The following FYTTD1 variants were observed in gnomAD, a reference collection of about 807,000 sequenced individuals.
FYTTD1 encodes UAP56-interacting factor.
Under a neutral mutation model 40.9 loss-of-function variants are expected in FYTTD1, and 22 were observed. The observed-to-expected ratio is 0.54, with a 90% CI of 0.38 to 0.77. FYTTD1 has a LOEUF of 0.77. Among genes scored for constraint, FYTTD1 ranks in the 30% least tolerant of loss-of-function variants. The pLI is 0.00. For missense variants in FYTTD1, 351 were observed against 392.2 expected (o/e 0.90, Z 0.89); for synonymous variants, 140 against 137.9 (o/e 1.01, Z -0.10).
At chr3:197,776,384 GTT>G (rs869308035) in intron 6 of FYTTD1, among the ~76,000 whole-genome samples, 2,127 of 133,274 alleles carry the variant, frequency 0.016, 44 homozygotes, top group African/African-American at 0.056. Context: ...GCTTAAATTT[GTT>G]TTTTTTTTTT....
rs893273585 is a variant in FYTTD1, at chr3:197,783,387, G to C, written c.*1478G>C. 5 of 152,522 alleles carry C rather than the reference G, an allele frequency of 3.3e-5. No homozygotes were observed. Among genetic ancestry groups the C allele is most frequent in the African/African-American group, 1.2e-4 (5 of 41,408 alleles). The allele number at this position is 152,522 out of a possible 1,614,324, so 9.4% of individuals were successfully genotyped here. On this transcript the variant is annotated 3_prime_UTR_variant, in exon 9 of 9. Transcript: ENST00000241502. ...TTGGCCTGCCCTGCATTGTATACTA[G>C]ATTTCATTGTTGTCTCTCATGCTTC...
In FYTTD1 at chr3:197,773,445, A is replaced by C; in HGVS notation, c.540A>C (p.Leu180Phe). 6.2e-7 allele frequency: 1 copy of C among 1,603,954 alleles called. No individual in the cohort carries two copies. Among genetic ancestry groups the C allele is most frequent in the African/African-American group, 1.3e-5 (1 of 74,970 alleles). Reference sequence around the variant, plus strand: ...ATTTTACCAGGAGTGGAAATAAATTAAATCATCAGAAAGATACTCGTCAGG... The same window carrying C: ...ATTTTACCAGGAGTGGAAATAAATTCAATCATCAGAAAGATACTCGTCAGG... ...PANFTRSGNK[L>F]NHQKDTRQAT... The change falls in exon 5 of 9, where the codon TTA becomes TTC. Residue 180 changes from leucine to phenylalanine, a missense_variant. Transcript: ENST00000241502.
chr3:197,773,421 T>C lies in FYTTD1; in HGVS notation c.516T>C (p.Asn172=). ...QLSRKNNIPA[N]FTRSGNKLNH... ...GTTGCAGAAATAACATTCCAGCTAA[T>C]TTTACCAGGAGTGGAAATAAATTAA... The change falls in exon 5 of 9, where the codon AAT becomes AAC. Residue 172 remains asparagine, a synonymous_variant. Transcript: ENST00000241502. The C allele has an allele frequency of 6.3e-7, 1 of 1,599,090 alleles. No individual in the cohort carries two copies. Among genetic ancestry groups the C allele is most frequent in the Non-Finnish European group, 8.6e-7 (1 of 1,169,054 alleles).
chr3:197,768,502 G>C lies in FYTTD1; in HGVS notation c.299G>C (p.Gly100Ala). The change falls in exon 3 of 9, where the codon GGA becomes GCA. Residue 100 changes from glycine to alanine, a missense_variant. Coordinates refer to ENST00000241502, the MANE Select transcript of FYTTD1 (RefSeq NM_032288.7). ...ATGCCTGGAAAGAGACGTCCTAATGGAGTTATCACTGGCCTTGCAGCTAGG... is the reference window on the plus strand; with the variant it reads ...ATGCCTGGAAAGAGACGTCCTAATGCAGTTATCACTGGCCTTGCAGCTAGG... Reference protein sequence around the residue: ...RVMPGKRRPNGVITGLAARKT... With the variant: ...RVMPGKRRPNAVITGLAARKT... 1 of 1,613,002 alleles carries C rather than the reference G, an allele frequency of 6.2e-7. No homozygotes were observed. The highest frequency in any genetic ancestry group is 8.5e-7 in the Non-Finnish European group (1 of 1,179,110).
chr3:197,755,656 A>G (rs1354622140), intron 1 of FYTTD1: 7 of 300,728 alleles, frequency 2.3e-5, no homozygotes, highest in Non-Finnish European at 3.6e-5. Flanking sequence ...TTATTTATTT[A>G]TTTGTATTTT....
chr3:197,764,313 A>G (rs1163672250), intron 2 of FYTTD1, among the ~76,000 whole-genome samples: 7 of 152,210 alleles, frequency 4.6e-5, no homozygotes, highest in Non-Finnish European at 7.3e-5. Context: ...TAATGTGACA[A>G]TGAAAGGGTA....
At chr3:197,773,546 C>T in intron 5 of FYTTD1, 47 bp downstream of exon 5, 1 of 719,832 alleles carries the variant, frequency 1.4e-6, no homozygotes, top group Non-Finnish European at 2.3e-6. Context: ...TTTGTTTTTT[C>T]CCAAAGAGGA....
chr3:197,765,195 A>G (rs1036893477), intron 2 of FYTTD1, among the ~76,000 whole-genome samples: 20 of 152,118 alleles, frequency 1.3e-4, no homozygotes, highest in African/African-American at 4.8e-4. Context: ...TTTGATTCCT[A>G]TTTATGAGAG....
intron 2 of FYTTD1, 70 bp from the exon 3 acceptor site, chr3:197,768,369 T>C (rs1001529932): frequency 4.5e-6 from 5 of 1,122,080 alleles, no homozygotes; most frequent in African/African-American, 1.6e-5. Flanking sequence ...CCTTGGGAAA[T>C]AGAATATCCT....
chr3:197,773,316 A>G (rs1218309214), intron 4 of FYTTD1, 87 bp from the exon 5 acceptor site: 8 of 744,010 alleles, frequency 1.1e-5, no homozygotes, highest in Admixed American at 2.5e-5. Context: ...TTTGCAGCCT[A>G]TGAATTTAAC....
intron 1 of FYTTD1, among the ~76,000 whole-genome samples, chr3:197,751,542 T>A (rs533045469): frequency 6.6e-6 from 1 of 151,744 alleles, no homozygotes; most frequent in East Asian, 1.9e-4. Flanking sequence ...AGCTAAGACA[T>A]GAGAATAGCT....
chr3:197,754,726 G>A (rs946523079), intron 1 of FYTTD1, among the ~76,000 whole-genome samples: 5 of 148,806 alleles, frequency 3.4e-5, no homozygotes, highest in East Asian at 2.0e-4. Flanking sequence ...GTGCAGTGGC[G>A]TGATTGTGGC....
intron 8 of FYTTD1, among the ~76,000 whole-genome samples, chr3:197,781,523 A>T (rs973985555): frequency 1.3e-5 from 2 of 152,160 alleles, no homozygotes; most frequent in African/African-American, 4.8e-5. Flanking sequence ...AAGAGTTCTT[A>T]CTTTTATCAG....
At position 197,763,677 on chromosome 3, in the gene FYTTD1, A is replaced by G. The variant is rs140669873; in HGVS notation, c.236-4762A>G. 648 of 233,072 alleles carry G rather than the reference A, an allele frequency of 2.8e-3. 4 individuals are homozygous for G. Among genetic ancestry groups the G allele is most frequent in the Non-Finnish European group, 4.5e-3 (508 of 113,862 alleles). The allele number at this position is 233,072 out of a possible 1,614,324, so 14.4% of individuals were successfully genotyped here. A position where few individuals can be genotyped will look rare whatever the true frequency, so the allele number is the denominator to read the frequency against. On this transcript the variant is annotated intron_variant, in intron 2 of 8. Coordinates refer to ENST00000241502, the MANE Select transcript of FYTTD1 (RefSeq NM_032288.7). ...AAAGTTTGAGAATGCTGTTCTTACT[A>G]GAGGTAGAAGAGTTGGGAATATTTG...
chr3:197,757,178 A>G (rs1000143102), intron 2 of FYTTD1, among the ~76,000 whole-genome samples: 5 of 152,236 alleles, frequency 3.3e-5, no homozygotes, highest in Non-Finnish European at 7.3e-5. Flanking sequence ...TGCTTTAGAT[A>G]TAATGTGGAA....
At position 197,785,713 on chromosome 3, in the gene FYTTD1, A is replaced by G. The variant is rs910972339; in HGVS notation, c.*3804A>G. ...TAATTTTTGTTGATTTATTTTTACT[A>G]TAAGGAGATAAGAGAAAAAATAGCT... On this transcript the variant is annotated 3_prime_UTR_variant, in exon 9 of 9. Coordinates refer to ENST00000241502, the MANE Select transcript of FYTTD1 (RefSeq NM_032288.7). The G allele has an allele frequency of 6.6e-6, 1 of 152,208 alleles. No homozygotes were observed. Among genetic ancestry groups the G allele is most frequent in the African/African-American group, 2.4e-5 (1 of 41,454 alleles). The allele number at this position is 152,208 out of a possible 1,614,324, so 9.4% of individuals were successfully genotyped here. A position where few individuals can be genotyped will look rare whatever the true frequency, so the allele number is the denominator to read the frequency against.
Position 197,787,574 on chromosome 3 carries a change from A to G in FYTTD1, c.*5665A>G, listed in dbSNP as rs1285561442. ...TGAATGAGTTAACTTTCAGTCTGTAAAATAAACAGGAAGAACTGGGAAGTA... is the reference window on the plus strand; with the variant it reads ...TGAATGAGTTAACTTTCAGTCTGTAGAATAAACAGGAAGAACTGGGAAGTA... On this transcript the variant is annotated 3_prime_UTR_variant, in exon 9 of 9. Coordinates refer to ENST00000241502, the MANE Select transcript of FYTTD1 (RefSeq NM_032288.7). The G allele has an allele frequency of 6.6e-6, 1 of 152,198 alleles. No individual in the cohort carries two copies. The allele number at this position is 152,198 out of a possible 1,614,324, so 9.4% of individuals were successfully genotyped here. A position where few individuals can be genotyped will look rare whatever the true frequency, so the allele number is the denominator to read the frequency against.
intron 2 of FYTTD1, among the ~76,000 whole-genome samples, chr3:197,766,622 T>G (rs576793719): frequency 1.3e-5 from 2 of 152,158 alleles, no homozygotes; most frequent in South Asian, 4.2e-4. Context: ...TTTGTATTTT[T>G]TCTAGAGATG....
intron 7 of FYTTD1, 148 bp downstream of exon 7, chr3:197,777,149 T>C (rs903167542): frequency 5.1e-6 from 3 of 589,786 alleles, no homozygotes; most frequent in Non-Finnish European, 9.0e-6. Flanking sequence ...GGAAACAGTA[T>C]ATGGTGTAAA....
Sources: allele counts gnomAD v4.1 joint callset (sites outside exome capture counted in the v4.1 genomes callset), GRCh38; gene constraint gnomAD v4.1.1; transcripts MANE v1.5; gene names NCBI Gene and HGNC (gene_info 2026-07-23, HGNC 2026-07-21).